SKP2: variants seen among roughly 807,000 people sequenced by gnomAD.
The protein encoded by SKP2 is S-phase kinase associated protein 2.
In SKP2, 16 loss-of-function variants were observed where a neutral mutation model predicts 51.8. That is an observed-to-expected ratio of 0.31 (90% CI 0.21 to 0.47). The LOEUF (loss-of-function observed/expected upper bound fraction) is 0.47. Ranked by LOEUF, SKP2 falls within the 20% of genes least tolerant of loss-of-function variation. The pLI is 1.00. For missense variants in SKP2, 377 were observed against 505.3 expected, an observed-to-expected ratio of 0.75 and a Z score of 2.43; for synonymous variants, 176 against 198.6, an observed-to-expected ratio of 0.89 and a Z score of 0.96.
In SKP2 at chr5:36,152,853, G is replaced by A; in HGVS notation, c.91G>A (p.Glu31Lys). The change falls in exon 2 of 10, where the codon GAA becomes AAA. Residue 31 changes from glutamate (E) to lysine (K), a missense_variant. Glu to Lys is a moderately conservative substitution (Grantham distance 56). Coordinates refer to ENST00000274255, the MANE Select transcript of SKP2 (RefSeq NM_005983.4). ...GGGATGGGATTCCAGCAAGACTTCT[G>A]AACTGCTGTCAGGCATGGGGGTCTC... ...TWGWDSSKTS[E>K]LLSGMGVSAL... 6.2e-7 allele frequency: 1 copy of A among 1,614,128 alleles called. No individual in the cohort carries two copies. Among genetic ancestry groups the A allele is most frequent in the Non-Finnish European group, 8.5e-7 (1 of 1,180,020 alleles).
chr5:36,177,419 C>A, intron 9 of SKP2, 127 bp downstream of exon 9: 1 of 742,500 alleles, frequency 1.3e-6, no homozygotes, highest in Non-Finnish European at 2.5e-6. Flanking sequence ...ATACCACAGA[C>A]TGGCTATGAA....
At chr5:36,169,905 G>C (rs1000689117) in intron 5 of SKP2, among the ~76,000 whole-genome samples, 4 of 152,106 alleles carry the variant, frequency 2.6e-5, no homozygotes, top group Non-Finnish European at 5.9e-5. Context: ...TACTAACACA[G>C]GGCATTTGGG....
intron 2 of SKP2, among the ~76,000 whole-genome samples, chr5:36,159,564 G>T (rs1408487388): frequency 1.3e-5 from 2 of 152,158 alleles, no homozygotes; most frequent in East Asian, 3.8e-4. Context: ...GAATACTGGG[G>T]AGTCCCCAAA....
chr5:36,181,867 G>A lies in SKP2; in HGVS notation c.1111G>A (p.Val371Met), dbSNP rs767628438. 1.4e-5 allele frequency: 22 copies of A among 1,614,020 alleles called. No individual in the cohort carries two copies. Among genetic ancestry groups the A allele is most frequent in the Middle Eastern group, 1.7e-4 (1 of 6,060 alleles). ...AAAAACACTACAAGTTTTTGGAATC[G>A]TGCCAGATGGTACCCTTCAACTGTT... ...TLKTLQVFGI[V>M]PDGTLQLLKE... Residue 371 changes from valine (V) to methionine (M), a missense_variant, in exon 10 of 10, where the codon GTG (valine) becomes ATG (methionine). Coordinates refer to ENST00000274255, the MANE Select transcript of SKP2 (RefSeq NM_005983.4).
intron 7 of SKP2, among the ~76,000 whole-genome samples, chr5:36,175,885 CTATATTTTT>C (rs1205351964): frequency 9.9e-5 from 15 of 151,714 alleles, no homozygotes; most frequent in Non-Finnish European, 1.8e-4. Context: ...TCATACACAT[CTATATTTTT>C]CTAAAAGTGG....
intron 7 of SKP2, among the ~76,000 whole-genome samples, chr5:36,174,565 C>T (rs939279726): frequency 3.9e-5 from 6 of 151,934 alleles, no homozygotes; most frequent in Non-Finnish European, 5.9e-5. Context: ...CAAAACAGAG[C>T]CTTGAACAAA....
intron 2 of SKP2, among the ~76,000 whole-genome samples, chr5:36,154,409 G>A (rs78670871): frequency 0.13 from 19,683 of 152,128 alleles, 1,363 homozygotes; most frequent in African/African-American, 0.17. Context: ...GAGAGTCGGG[G>A]GAGATCAGGC....
At chr5:36,179,410 T>G (rs1161433712) in intron 9 of SKP2, among the ~76,000 whole-genome samples, 1 of 152,158 alleles carries the variant, frequency 6.6e-6, no homozygotes, top group Non-Finnish European at 1.5e-5. Context: ...TTGAATGTCT[T>G]TCTTCTGTAA....
At position 36,156,301 on chromosome 5, in the gene SKP2, G is replaced by C. The variant is rs79076482; in HGVS notation, c.280+3259G>C. 8.0e-3 allele frequency among the ~76,000 whole-genome samples: 1,215 copies of C among 152,252 alleles called. 30 individuals carry two copies. Among genetic ancestry groups the C allele is most frequent in the East Asian group, 0.048 (249 of 5,168 alleles). Reference sequence around the variant, plus strand: ...CCGGATTGTCATTCCAAGGAGTTTTGTCTGCAGTTGTCAGGACAGGTGGCT... The same window carrying C: ...CCGGATTGTCATTCCAAGGAGTTTTCTCTGCAGTTGTCAGGACAGGTGGCT... On this transcript the variant is annotated intron_variant, in intron 2 of 9. Coordinates refer to ENST00000274255, the MANE Select transcript of SKP2 (RefSeq NM_005983.4).
At chr5:36,179,559 A>G (rs924119337) in intron 9 of SKP2, among the ~76,000 whole-genome samples, 1 of 152,170 alleles carries the variant, frequency 6.6e-6, no homozygotes, top group African/African-American at 2.4e-5. Context: ...TCATTCAAGT[A>G]AGAAACCCAA....
intron 6 of SKP2, among the ~76,000 whole-genome samples, chr5:36,192,268 C>G (rs1746045354): frequency 1.3e-5 from 2 of 152,120 alleles, no homozygotes; most frequent in South Asian, 2.1e-4. Flanking sequence ...TTGAACTATT[C>G]TTTAGTTAGA....
intron 6 of SKP2, 83 bp from the exon 7 acceptor site, chr5:36,171,520 A>G (rs985104675): frequency 8.1e-7 from 1 of 1,240,066 alleles, no homozygotes; most frequent in Admixed American, 1.9e-5. Context: ...CCATGGTTTT[A>G]TATTTTCTTT....
At chr5:36,191,088 T>C (rs143419104) in intron 6 of SKP2, among the ~76,000 whole-genome samples, 1 of 152,360 alleles carries the variant, frequency 6.6e-6, no homozygotes, top group Non-Finnish European at 1.5e-5. Context: ...TCCTGTGTTC[T>C]ACATTCTGGA....
intron 2 of SKP2, among the ~76,000 whole-genome samples, chr5:36,156,706 C>T (rs1241720988): frequency 6.6e-6 from 1 of 152,168 alleles, no homozygotes; most frequent in African/African-American, 2.4e-5. Flanking sequence ...TGGAGGTGAA[C>T]TAATTTGTTG....
chr5:36,176,924 C>T, intron 7 of SKP2, 41 bp from the exon 8 acceptor site: 4 of 1,327,226 alleles, frequency 3.0e-6, no homozygotes, highest in Non-Finnish European at 4.3e-6. Flanking sequence ...TGTCTTGTTC[C>T]TCATTTAATA....
In SKP2 at chr5:36,184,209, TA is replaced by T. The variant is rs201881807; in HGVS notation, c.*2188del. 9.2e-3 allele frequency: 3,034 copies of T among 331,442 alleles called. 13 individuals carry two copies. Among genetic ancestry groups the T allele is most frequent in the East Asian group, 0.039 (762 of 19,418 alleles). The allele number at this position is 331,442 out of a possible 1,614,324, so 20.5% of individuals were successfully genotyped here. A position where few individuals can be genotyped will look rare whatever the true frequency, so the allele number is the denominator to read the frequency against. Reference sequence around the variant, plus strand: ...CATCTACTTCATATGCTTGTCACATTAAAAAAAAAAGTTTATAATGCCTTTA... The same window carrying T: ...CATCTACTTCATATGCTTGTCACATTAAAAAAAAAGTTTATAATGCCTTTA... On this transcript the variant is annotated 3_prime_UTR_variant, in exon 10 of 10. Coordinates refer to ENST00000274255, the MANE Select transcript of SKP2 (RefSeq NM_005983.4).
chr5:36,152,195 G>A lies in SKP2; in HGVS notation c.-68G>A, dbSNP rs887752416. 6.3e-7 allele frequency: 1 copy of A among 1,584,118 alleles called. No individual in the cohort carries two copies. The highest frequency in any genetic ancestry group is 8.7e-7 in the Non-Finnish European group (1 of 1,153,606). Reference sequence around the variant, plus strand: ...GCTCGGAGCCGCCGCGCGCCAAAGCGGGAATCTGGGAGGCGAGCAGCTCTG... The same window carrying A: ...GCTCGGAGCCGCCGCGCGCCAAAGCAGGAATCTGGGAGGCGAGCAGCTCTG... On this transcript the variant is annotated 5_prime_UTR_variant, in exon 1 of 10. Transcript: ENST00000274255.
chr5:36,187,778 C>T (rs978197043), downstream of SKP2, among the ~76,000 whole-genome samples: 1 of 152,146 alleles, frequency 6.6e-6, no homozygotes, highest in Non-Finnish European at 1.5e-5. Flanking sequence ...GAGTTCAATT[C>T]CCGGATATCC....
rs1410834368 is a variant in SKP2, at chr5:36,182,676, A to T, written c.*645A>T. 1.0e-6 allele frequency: 1 copy of T among 977,586 alleles called. No homozygotes were observed. Among genetic ancestry groups the T allele is most frequent in the Admixed American group, 6.2e-5 (1 of 16,256 alleles). 60.6% of individuals were successfully genotyped at this position (977,586 alleles called of 1,614,324 possible). Reference sequence around the variant, plus strand: ...CCCAGAGATATAGAATCAATATAGGATTTGAAGGCCCAGCAGACAGTTTTC... The same window carrying T: ...CCCAGAGATATAGAATCAATATAGGTTTTGAAGGCCCAGCAGACAGTTTTC... On this transcript the variant is annotated 3_prime_UTR_variant, in exon 10 of 10. Coordinates refer to ENST00000274255, the MANE Select transcript of SKP2 (RefSeq NM_005983.4).
Sources: allele counts gnomAD v4.1 joint callset (sites outside exome capture counted in the v4.1 genomes callset), GRCh38; gene constraint gnomAD v4.1.1; transcripts MANE v1.5; gene names NCBI Gene and HGNC (gene_info 2026-07-23, HGNC 2026-07-21).